Variants in RPH3A observed in about 807,000 individuals in gnomAD.
RPH3A encodes rabphilin 3A.
RPH3A carries 48 observed loss-of-function variants against 102.2 expected under a neutral mutation model. The ratio of observed to expected loss-of-function variants is 0.47; its 90% CI spans 0.37 to 0.60. The LOEUF is 0.60. Ranked by LOEUF, RPH3A falls within the 20% of genes least tolerant of loss-of-function variation. The pLI is 0.00. For missense variants in RPH3A, 781 were observed against 910.1 expected (o/e 0.86, Z 1.83); for synonymous variants, 310 against 324.3 (o/e 0.96, Z 0.47).
intron 2 of RPH3A, among the ~76,000 whole-genome samples, chr12:112,814,745 C>T (rs2041640218): frequency 6.6e-6 from 1 of 152,188 alleles, no homozygotes; most frequent in South Asian, 2.1e-4. Flanking sequence ...GAGCCCACCT[C>T]ACAGGATAGT....
At chr12:112,698,308 TA>T (rs2136027241) in intron 1 of RPH3A, among the ~76,000 whole-genome samples, 1 of 152,096 alleles carries the variant, frequency 6.6e-6, no homozygotes, top group East Asian at 1.9e-4. Flanking sequence ...CAACTACTAA[TA>T]AAAAAAGGAG....
intron 1 of RPH3A, among the ~76,000 whole-genome samples, chr12:112,583,572 C>T (rs1464149597): frequency 2.6e-5 from 4 of 152,174 alleles, no homozygotes; most frequent in African/African-American, 4.8e-5. Context: ...TAATGTCTAG[C>T]GGCAGCTCTG....
At chr12:112,740,212 G>A (rs1231208053) in intron 1 of RPH3A, among the ~76,000 whole-genome samples, 3 of 152,086 alleles carry the variant, frequency 2.0e-5, no homozygotes, top group Admixed American at 2.0e-4. Context: ...TATTTGTGAG[G>A]ATCAAATGAG....
chr12:112,831,198 C>CCT (rs1445038004), intron 3 of RPH3A, among the ~76,000 whole-genome samples: 1 of 53,366 alleles, frequency 1.9e-5, no homozygotes, highest in Admixed American at 2.0e-4. Flanking sequence ...CTTTTCTACT[C>CCT]TCTTGTTTTT....
chr12:112,747,462 T>G (rs1055342357), intron 1 of RPH3A, among the ~76,000 whole-genome samples: 4 of 152,216 alleles, frequency 2.6e-5, no homozygotes, highest in African/African-American at 9.7e-5. Flanking sequence ...TTAAAGCTCT[T>G]ATGGCATCCT....
intron 1 of RPH3A, among the ~76,000 whole-genome samples, chr12:112,724,879 G>A (rs1476847692): frequency 6.6e-6 from 1 of 152,062 alleles, no homozygotes; most frequent in African/African-American, 2.4e-5. Flanking sequence ...TGAGGCAGGA[G>A]AATCGTCTGA....
chr12:112,789,869 T>C (rs1593000445), upstream of RPH3A, among the ~76,000 whole-genome samples: 1 of 132,498 alleles, frequency 7.5e-6, no homozygotes, highest in East Asian at 2.2e-4. Context: ...TGGGGCAATA[T>C]AGTGAGACCC....
chr12:112,587,965 A>T (rs942787124), intron 1 of RPH3A, among the ~76,000 whole-genome samples: 19 of 152,154 alleles, frequency 1.2e-4, no homozygotes, highest in African/African-American at 4.6e-4. Flanking sequence ...TCAAAAATCT[A>T]GATTATAATC....
intron 2 of RPH3A, among the ~76,000 whole-genome samples, chr12:112,802,639 C>T (rs990694561): frequency 6.6e-6 from 1 of 151,870 alleles, no homozygotes; most frequent in Admixed American, 6.6e-5. Flanking sequence ...TGTGAGTGCA[C>T]ATGTGTGTGT....
intron 1 of RPH3A, among the ~76,000 whole-genome samples, chr12:112,589,028 G>A (rs1252744061): frequency 6.6e-6 from 1 of 152,076 alleles, no homozygotes; most frequent in African/African-American, 2.4e-5. Flanking sequence ...GGGGGAGAGT[G>A]TTCCAGGCAG....
intron 1 of RPH3A, among the ~76,000 whole-genome samples, chr12:112,654,179 G>T (rs972849341): frequency 1.3e-5 from 2 of 152,142 alleles, no homozygotes; most frequent in South Asian, 2.1e-4. Context: ...GTCCTGGGGG[G>T]TTTGCTTGGT....
intron 1 of RPH3A, among the ~76,000 whole-genome samples, chr12:112,699,689 G>A (rs552610477): frequency 2.0e-5 from 3 of 152,326 alleles, no homozygotes; most frequent in South Asian, 2.1e-4. Flanking sequence ...CTTGATTTGG[G>A]TGGTGGTTTC....
At chr12:112,631,127 G>A (rs1043652020) in intron 1 of RPH3A, among the ~76,000 whole-genome samples, 40 of 152,254 alleles carry the variant, frequency 2.6e-4, no homozygotes, top group African/African-American at 9.6e-4. Context: ...CTGTACCCTT[G>A]TCCTGTGGCT....
intron 1 of RPH3A, among the ~76,000 whole-genome samples, chr12:112,622,027 GA>G: frequency 6.6e-6 from 1 of 150,932 alleles, no homozygotes; most frequent in Admixed American, 6.6e-5. Context: ...ATAACAAACA[GA>G]AAGGACATCC....
intron 1 of RPH3A, among the ~76,000 whole-genome samples, chr12:112,701,268 G>A (rs1196181762): frequency 6.6e-6 from 1 of 152,204 alleles, no homozygotes; most frequent in Non-Finnish European, 1.5e-5. Context: ...TTACTCTTTA[G>A]ATGTAAGGAA....
intron 1 of RPH3A, among the ~76,000 whole-genome samples, chr12:112,597,128 G>C (rs937006952): frequency 6.6e-6 from 1 of 152,144 alleles, no homozygotes; most frequent in African/African-American, 2.4e-5. Flanking sequence ...GCTTGGAACT[G>C]TACACACCAA....
chr12:112,819,050 G>A (rs2136134679), intron 2 of RPH3A, among the ~76,000 whole-genome samples: 1 of 151,716 alleles, frequency 6.6e-6, no homozygotes, highest in Non-Finnish European at 1.5e-5. Context: ...ATATATATTT[G>A]AGATATGTAT....
chr12:112,693,312 C>G (rs966469564), intron 1 of RPH3A, among the ~76,000 whole-genome samples: 1 of 152,230 alleles, frequency 6.6e-6, no homozygotes, highest in African/African-American at 2.4e-5. Flanking sequence ...AGCTGTCACT[C>G]TGGCTGGTGA....
At chr12:112,584,624 T>C (rs1012224420) in intron 1 of RPH3A, among the ~76,000 whole-genome samples, 4 of 152,180 alleles carry the variant, frequency 2.6e-5, no homozygotes, top group African/African-American at 9.7e-5. Flanking sequence ...AATTGCTCCA[T>C]GGGGCACACC....
Sources: gnomAD v4.1 joint callset for allele counts (sites outside exome capture counted in the v4.1 genomes callset) on GRCh38, gnomAD v4.1.1 for gene constraint, MANE v1.5 for transcripts, NCBI Gene and HGNC (gene_info 2026-07-23, HGNC 2026-07-21) for gene names.